The following DDX6 variants were observed in gnomAD, a reference collection of about 807,000 sequenced individuals.
DDX6 encodes the protein probable ATP-dependent RNA helicase DDX6.
A neutral mutation model predicts 60.6 loss-of-function variants in DDX6; 7 were observed. The ratio of observed to expected loss-of-function variants is 0.12; its 90% confidence interval spans 0.07 to 0.22. The LOEUF (loss-of-function observed/expected upper bound fraction) is 0.22. Ranked by LOEUF, DDX6 falls within the 10% of genes least tolerant of loss-of-function variation. The pLI is 1.00. For missense variants in DDX6, 270 were observed against 589.9 expected (o/e 0.46, Z 5.62); for synonymous variants, 207 against 201.0 (o/e 1.03, Z -0.25).
Position 118,748,317 on chromosome 11 carries a change from A to G in DDX6, c.*3788T>C, listed in dbSNP as rs1324957958. 6.6e-6 allele frequency: 1 copy of G among 151,998 alleles called. No homozygotes were observed. The highest frequency in any genetic ancestry group is 2.4e-5 in the African/African-American group (1 of 41,366). 9.4% of individuals were successfully genotyped at this position (151,998 alleles called of 1,614,324 possible). The stretch of plus-strand genomic sequence containing the variant: ...AACTGTGACAACCTTTGGACACTTA[A>G]CTCTTTACCCCAAAGATGAGTTTTT... On this transcript the variant is annotated 3_prime_UTR_variant, in exon 14 of 14. Transcript: ENST00000534980.
chr11:118,756,679 A>G (rs1252884933), intron 10 of DDX6, among the ~76,000 whole-genome samples: 1 of 152,234 alleles, frequency 6.6e-6, no homozygotes, highest in Non-Finnish European at 1.5e-5. Flanking sequence ...AATCCAGAGC[A>G]GTGCTGTCCA....
At chr11:118,769,042 A>C (rs1302022639) in intron 4 of DDX6, among the ~76,000 whole-genome samples, 4 of 143,660 alleles carry the variant, frequency 2.8e-5, no homozygotes, top group African/African-American at 1.0e-4. Flanking sequence ...CTGTAATCCC[A>C]CCATTATGGG....
chr11:118,767,924 G>A (rs1018829572), intron 5 of DDX6: 5 of 215,998 alleles, frequency 2.3e-5, no homozygotes, highest in East Asian at 1.1e-4. Context: ...GTGAGGCACC[G>A]TGCCCAGCCT....
rs782678889 is a variant in DDX6, at chr11:118,758,912, G to A, written c.865-10C>T. On this transcript the variant is annotated splice_polypyrimidine_tract_variant and intron_variant, in intron 8 of 13. Transcript: ENST00000534980. The stretch of plus-strand genomic sequence containing the variant: ...TCTGCAAATGGGAATTCTGGGGGGG[G>A]AGCGGGAAAAAGATGAGTCGTCGTC... 9.9e-5 allele frequency: 160 copies of A among 1,612,178 alleles called. 1 individual carries two copies. Among genetic ancestry groups the A allele is most frequent in the Non-Finnish European group, 5.5e-5 (65 of 1,179,294 alleles).
intron 8 of DDX6, 160 bp from the exon 9 acceptor site, chr11:118,759,062 T>C: frequency 1.0e-5 from 10 of 957,178 alleles, no homozygotes; most frequent in Non-Finnish European, 1.5e-5. Context: ...TTACAGAATT[T>C]CCCCCCTGCC....
chr11:118,754,336 G>A (rs1555158202), intron 13 of DDX6, among the ~76,000 whole-genome samples: 2 of 152,206 alleles, frequency 1.3e-5, no homozygotes, highest in East Asian at 3.9e-4. Flanking sequence ...GAGCCCAGGA[G>A]AACCAGGCTG....
At chr11:118,761,310 C>T (rs1157259752) in intron 7 of DDX6, among the ~76,000 whole-genome samples, 6 of 151,796 alleles carry the variant, frequency 4.0e-5, no homozygotes, top group South Asian at 2.1e-4. Context: ...ACTACTTTAC[C>T]GGGATTTAGA....
At chr11:118,779,156 C>CA (rs5795140) in intron 4 of DDX6, among the ~76,000 whole-genome samples, 74,544 of 125,790 alleles carry the variant, frequency 0.59, 23,088 homozygotes, top group East Asian at 0.82. Flanking sequence ...ACCCAGTTGC[C>CA]AAAAAAAAAA....
At chr11:118,789,303 C>T (rs1440958205) in intron 1 of DDX6, 1 of 152,050 alleles carries the variant, frequency 6.6e-6, no homozygotes. Context: ...GTATCGAACT[C>T]CTGACCTCAG....
intron 5 of DDX6, chr11:118,767,938 C>T (rs1555161620): frequency 4.3e-6 from 1 of 234,950 alleles, no homozygotes; most frequent in Non-Finnish European, 8.3e-6. Context: ...CCAGCCTCAG[C>T]TTTCCTACCT....
chr11:118,778,090 A>G (rs782033495), intron 4 of DDX6, among the ~76,000 whole-genome samples: 2 of 152,040 alleles, frequency 1.3e-5, no homozygotes, highest in African/African-American at 2.4e-5. Flanking sequence ...ATATATATGG[A>G]TGAGGGGAAG....
rs1004184924 is a variant in DDX6, at chr11:118,779,852, A to G, written c.265-116T>C. The G allele has an allele frequency of 4.0e-5, 29 of 721,176 alleles. No individual in the cohort carries two copies. In the East Asian group the frequency reaches 8.4e-4, roughly 21 times the overall value. The allele number at this position is 721,176 out of a possible 1,614,324, so 44.7% of individuals were successfully genotyped here. On this transcript the variant is annotated intron_variant, in intron 3 of 13. Coordinates refer to ENST00000534980, the MANE Select transcript of DDX6 (RefSeq NM_004397.6). ...TTATCTGGGCCAGGCATGGTGGCTC[A>G]TGCCTGTAATCCCAGCACTTTGGGA...
intron 2 of DDX6, 121 bp from the exon 3 acceptor site, chr11:118,781,305 T>C: frequency 1.6e-6 from 1 of 612,306 alleles, no homozygotes; most frequent in Non-Finnish European, 2.9e-6. Context: ...CCATTTAATA[T>C]ATCTAACAAG....
intron 4 of DDX6, among the ~76,000 whole-genome samples, chr11:118,770,397 T>G (rs972570572): frequency 9.9e-5 from 15 of 152,190 alleles, no homozygotes; most frequent in Admixed American, 2.6e-4. Flanking sequence ...GTCCCTTCTA[T>G]GCCTGGGCTA....
intron 1 of DDX6, chr11:118,790,037 A>T (rs1291164126): frequency 6.6e-6 from 1 of 152,236 alleles, no homozygotes; most frequent in East Asian, 1.9e-4. Flanking sequence ...TGACAGTTTC[A>T]CACCCAAAAC....
intron 4 of DDX6, among the ~76,000 whole-genome samples, chr11:118,769,172 C>T (rs1052370428): frequency 1.3e-5 from 2 of 151,814 alleles, no homozygotes; most frequent in African/African-American, 4.8e-5. Context: ...CAAGGTAAGA[C>T]TATATATATT....
rs151119595 is a variant in DDX6 at position 118,759,735 on chromosome 11, T to C, written c.864+187A>G. Among the ~76,000 whole-genome samples the C allele has an allele frequency of 3.9e-3, 596 of 152,330 alleles. 7 individuals are homozygous for C. Among genetic ancestry groups the C allele is most frequent in the Middle Eastern group, 0.027 (8 of 294 alleles). On this transcript the variant is annotated intron_variant, in intron 8 of 13. Transcript: ENST00000534980. ...ATGAGGAATTTAATTAAGTTACTATTACAACCTTCTTAAAAAGTCAGTTAA... is the reference window on the plus strand; with the variant it reads ...ATGAGGAATTTAATTAAGTTACTATCACAACCTTCTTAAAAAGTCAGTTAA...
At chr11:118,779,872 T>C (rs1861829795) in intron 3 of DDX6, 136 bp from the exon 4 acceptor site, 2 of 610,760 alleles carry the variant, frequency 3.3e-6, no homozygotes, top group South Asian at 4.1e-5. Context: ...TCCCAGCACT[T>C]TGGGAGGCCA....
intron 2 of DDX6, among the ~76,000 whole-genome samples, chr11:118,783,010 GAAT>G (rs1335716791): frequency 1.9e-4 from 29 of 152,036 alleles, no homozygotes; most frequent in Non-Finnish European, 2.8e-4. Context: ...ACAAAATAGT[GAAT>G]AATAATGCGT....
Sources: allele counts gnomAD v4.1 joint callset (sites outside exome capture counted in the v4.1 genomes callset), GRCh38; gene constraint gnomAD v4.1.1; transcripts MANE v1.5; gene names NCBI Gene and HGNC (gene_info 2026-07-23, HGNC 2026-07-21).